Variants in HECTD3 observed in about 807,000 individuals in gnomAD.
HECTD3 encodes the protein E3 ubiquitin-protein ligase HECTD3.
HECTD3 carries 72 observed loss-of-function variants against 109.3 expected under a neutral mutation model. The ratio of observed to expected loss-of-function variants is 0.66; its 90% CI spans 0.54 to 0.80. HECTD3 has a LOEUF of 0.80. Ranked by LOEUF, HECTD3 falls within the 30% of genes least tolerant of loss-of-function variation. The probability of loss-of-function intolerance (pLI) is 0.00; values close to 1 mark genes in which losing one functional copy is unlikely to be tolerated. For synonymous variants in HECTD3, 481 were observed against 471.8 expected (o/e 1.02, Z -0.25); for missense variants, 1,041 against 1,165.2 (o/e 0.89, Z 1.55).
intron 11 of HECTD3, 46 bp from the exon 12 acceptor site, chr1:45,007,061 A>G (rs1336304690): frequency 6.2e-7 from 1 of 1,606,582 alleles, no homozygotes. Flanking sequence ...GGCCAGGTGC[A>G]GCACAATTCA....
chr1:45,003,557 TCTC>T lies in HECTD3; in HGVS notation c.2518_2520del (p.Glu840del). 1.2e-6 allele frequency: 2 copies of T among 1,614,154 alleles called. No homozygotes were observed. The highest frequency in any genetic ancestry group is 1.7e-6 in the Non-Finnish European group (2 of 1,180,014). Reference sequence around the variant, plus strand: ...CAGTTGTAGGCCGCATAGCGGAGCTTCTCCTCGCATACCTTGGCACTGTGGGAA... The same window carrying T: ...CAGTTGTAGGCCGCATAGCGGAGCTTCTCGCATACCTTGGCACTGTGGGAA... On this transcript the variant is annotated inframe_deletion, in exon 21 of 21. Transcript: ENST00000372172. This position sits in a 1 kb window ranked among gnomAD's most constrained non-coding sequence, Gnocchi z 4.7.
At chr1:45,010,357 T>C in intron 2 of HECTD3, 64 bp from the exon 3 acceptor site, 1 of 1,518,712 alleles carries the variant, frequency 6.6e-7, no homozygotes. Flanking sequence ...ACTACCTCCA[T>C]GCCGTGTAGC....
Position 45,009,216 on chromosome 1 carries a change from C to G in HECTD3, c.1000G>C (p.Gly334Arg). 6.2e-7 allele frequency: 1 copy of G among 1,613,674 alleles called. No homozygotes were observed. The highest frequency in any genetic ancestry group is 8.5e-7 in the Non-Finnish European group (1 of 1,179,580). ...ATGTCCTCCAGGACACAGACATCCCCGATGAGGGTCCTGAGGAGATGAGTG... is the reference window on the plus strand; with the variant it reads ...ATGTCCTCCAGGACACAGACATCCCGGATGAGGGTCCTGAGGAGATGAGTG... ...SDVSIDETLI[G>R]DVCVLEDMTV... Residue 334 changes from glycine to arginine, a missense_variant, in exon 7 of 21, where the codon GGG becomes CGG. By Grantham distance (125) the Gly-to-Arg change is moderately radical (BLOSUM62 -2). This residue lies in a region of HECTD3 where 569 missense variants were observed against 715.3 expected (regional missense o/e 0.80). Coordinates refer to ENST00000372172, the MANE Select transcript of HECTD3 (RefSeq NM_024602.6).
At chr1:45,007,158 TTG>T (rs1428883386) in intron 11 of HECTD3, 59 bp downstream of exon 11, 1 of 1,125,036 alleles carries the variant, frequency 8.9e-7, no homozygotes. Flanking sequence ...GTGTGTGTGT[TTG>T]TGTGTGTTTG....
In HECTD3 at chr1:45,011,294, T is replaced by C. The variant is rs1644791727; in HGVS notation, c.-37A>G. Reference sequence around the variant, plus strand: ...GGAGGTGAGCACCTAGAGGCGACCCTGCCCGGGGAACAGCTGGCGCGACCG... The same window carrying C: ...GGAGGTGAGCACCTAGAGGCGACCCCGCCCGGGGAACAGCTGGCGCGACCG... On this transcript the variant is annotated 5_prime_UTR_variant, in exon 1 of 21. Coordinates refer to ENST00000372172, the MANE Select transcript of HECTD3 (RefSeq NM_024602.6). 7 of 1,350,136 alleles carry C rather than the reference T, an allele frequency of 5.2e-6. No individual in the cohort carries two copies. The highest frequency in any genetic ancestry group is 6.6e-6 in the Non-Finnish European group (7 of 1,056,470). 83.6% of individuals were successfully genotyped at this position (1,350,136 alleles called of 1,614,324 possible).
At position 45,009,131 on chromosome 1, in the gene HECTD3, C is replaced by G. The variant is rs755686044; in HGVS notation, c.1072+13G>C. The G allele has an allele frequency of 5.5e-5, 88 of 1,610,046 alleles. No individual in the cohort carries two copies. The Admixed American group carries it at 1.4e-3, about 26-fold the overall frequency. ...CCGGGCTCTCTTTCCCTCCTTATAGCCTTAAACCTCACCTCGGCACTCCAC... is the reference window on the plus strand; with the variant it reads ...CCGGGCTCTCTTTCCCTCCTTATAGGCTTAAACCTCACCTCGGCACTCCAC... On this transcript the variant is annotated intron_variant, in intron 7 of 20. Coordinates refer to ENST00000372172, the MANE Select transcript of HECTD3 (RefSeq NM_024602.6).
rs1293071457 is a variant in HECTD3 at position 45,006,871 on chromosome 1, C to G, written c.1622-76G>C. 6.3e-7 allele frequency: 1 copy of G among 1,577,804 alleles called. No homozygotes were observed. The highest frequency in any genetic ancestry group is 1.3e-5 in the African/African-American group (1 of 74,120). ...ATGGGGTAATGAATAGGTCCCCCAT[C>G]ATCATTAGCTGGTGAAAAGCCTCTA... On this transcript the variant is annotated intron_variant, in intron 12 of 20. Coordinates refer to ENST00000372172, the MANE Select transcript of HECTD3 (RefSeq NM_024602.6). This position sits in a 1 kb window ranked among gnomAD's most constrained non-coding sequence, Gnocchi z 4.7.
In HECTD3 at chr1:45,003,549, G is replaced by A. The variant is rs1377305213; in HGVS notation, c.2529C>T (p.Arg843=). Residue 843 remains arginine, a synonymous_variant, in exon 21 of 21, where the codon CGC becomes CGT. Coordinates refer to ENST00000372172, the MANE Select transcript of HECTD3 (RefSeq NM_024602.6). The surrounding 1 kb of genome is among the most constrained non-coding windows in gnomAD (Gnocchi z 4.7). ...ASAKVCEEKL[R]YAAYNCVAID... ...TGGCCACGCAGTTGTAGGCCGCATA[G>A]CGGAGCTTCTCCTCGCATACCTTGG... 1 of 1,614,242 alleles carries A rather than the reference G, an allele frequency of 6.2e-7. No homozygotes were observed. The highest frequency in any genetic ancestry group is 8.5e-7 in the Non-Finnish European group (1 of 1,180,036).
Position 45,011,069 on chromosome 1 carries a change from C to T in HECTD3, c.189G>A (p.Leu63=), listed in dbSNP as rs749967652. 179 of 1,454,288 alleles carry T rather than the reference C, an allele frequency of 1.2e-4. 1 individual carries two copies. The highest frequency in any genetic ancestry group is 1.4e-4 in the Non-Finnish European group (159 of 1,106,674). The allele number at this position is 1,454,288 out of a possible 1,614,324, so 90.1% of individuals were successfully genotyped here. The stretch of plus-strand genomic sequence containing the variant: ...CCAGGCCCTCTGCCTCCCACACCGG[C>T]AGAAGCACGCGCGACGGTCCCGCTG... ...KDPAGPSRVL[L]PVWEAEGLGL... is the part of the protein sequence containing the mutation. Residue 63 remains leucine, a synonymous_variant, in exon 1 of 21, where the codon CTG becomes CTA. Coordinates refer to ENST00000372172, the MANE Select transcript of HECTD3 (RefSeq NM_024602.6).
Position 45,010,326 on chromosome 1 carries a change from G to C in HECTD3, c.531-33C>G, listed in dbSNP as rs370662185. ...CACAGAGTAGGGAGTGGGATGGGGAGACATCAGCGGTCAGCAAGACACTAC... is the reference window on the plus strand; with the variant it reads ...CACAGAGTAGGGAGTGGGATGGGGACACATCAGCGGTCAGCAAGACACTAC... On this transcript the variant is annotated intron_variant, in intron 2 of 20. Transcript: ENST00000372172. 1.0e-5 allele frequency: 16 copies of C among 1,592,854 alleles called. No individual in the cohort carries two copies. In the African/African-American group the frequency reaches 2.0e-4, roughly 20 times the overall value.
rs954008011 is a variant in HECTD3, at chr1:45,008,464, C to T, written c.1238+72G>A. The T allele has an allele frequency of 2.3e-5, 36 of 1,553,970 alleles. No homozygotes were observed. In the African/African-American group the frequency reaches 3.4e-4, roughly 15 times the overall value. ...GCTTATACTATGAGACCTTGGGAAC[C>T]TCCTCCATGCAGACACACAAGGCTC... On this transcript the variant is annotated intron_variant, in intron 8 of 20. Transcript: ENST00000372172.
rs762245159 is a variant in HECTD3 at position 45,008,291 on chromosome 1, G to A, written c.1269C>T (p.His423=). 2.5e-6 allele frequency: 4 copies of A among 1,614,126 alleles called. No homozygotes were observed. The East Asian group carries it at 6.7e-5, about 27-fold the overall frequency. ...TGTGGTCCCAGGCAGGTACCAGGTG[G>A]TGCAGGACACTATCGAGGATCTTGA... ...RFIKILDSVL[H]HLVPAWDHTL... The change falls in exon 9 of 21, where the codon CAC becomes CAT. Residue 423 remains histidine (H), a synonymous_variant. Transcript: ENST00000372172.
chr1:45,004,408 G>A, intron 16 of HECTD3, 31 bp from the exon 17 acceptor site: 1 of 1,613,518 alleles, frequency 6.2e-7, no homozygotes, highest in East Asian at 2.2e-5. Context: ...CTTGGCTGGG[G>A]AAGAGGGCAC....
At position 45,005,994 on chromosome 1, in the gene HECTD3, C is replaced by G. The variant is rs1644731753; in HGVS notation, c.1845+3G>C. 1 of 1,613,896 alleles carries G rather than the reference C, an allele frequency of 6.2e-7. No homozygotes were observed. Among genetic ancestry groups the G allele is most frequent in the Non-Finnish European group, 8.5e-7 (1 of 1,179,842 alleles). ...GGACGGGGGTGTGGATAAGGCTACT[C>G]ACCAGGAACTCCTTACCCCGAAGGG... On this transcript the variant is annotated splice_donor_region_variant and intron_variant, in intron 14 of 20. Transcript: ENST00000372172.
chr1:45,008,950 C>T (rs1644759195), intron 7 of HECTD3, among the ~76,000 whole-genome samples, 194 bp downstream of exon 7: 1 of 152,172 alleles, frequency 6.6e-6, no homozygotes, highest in African/African-American at 2.4e-5. Flanking sequence ...GCCCAACCAC[C>T]TGTATGGCTT....
chr1:45,010,816 G>A (rs558112177), intron 1 of HECTD3, 73 bp downstream of exon 1: 3 of 1,507,684 alleles, frequency 2.0e-6, no homozygotes, highest in Non-Finnish European at 2.6e-6. Flanking sequence ...ATACAGGGGA[G>A]AAAAGGCAAA....
chr1:45,006,990 A>G lies in HECTD3; in HGVS notation c.1582T>C (p.Trp528Arg). The G allele has an allele frequency of 6.2e-7, 1 of 1,613,878 alleles. No homozygotes were observed. The highest frequency in any genetic ancestry group is 8.5e-7 in the Non-Finnish European group (1 of 1,179,982). ...CCTTCTGCAATAAATTTACACTCCC[A>G]CCACTGGTCATAGCGCATGGGCCAC... ...YRWPMRYDQWWECKFIAEGII... is the reference protein window; with the variant it reads ...YRWPMRYDQWRECKFIAEGII... Residue 528 changes from tryptophan (W) to arginine (R), a missense_variant, in exon 12 of 21, where the codon TGG becomes CGG. Trp to Arg is a moderately radical substitution (Grantham distance 101, BLOSUM62 -3). Coordinates refer to ENST00000372172, the MANE Select transcript of HECTD3 (RefSeq NM_024602.6). This position sits in a 1 kb window ranked among gnomAD's most constrained non-coding sequence, Gnocchi z 4.7.
chr1:45,009,478 G>C lies in HECTD3; in HGVS notation c.880C>G (p.Leu294Val). The change falls in exon 6 of 21, where the codon CTG (leucine) becomes GTG (valine). Residue 294 changes from leucine (L) to valine (V), a missense_variant. Physicochemically the swap from Leu to Val is conservative, Grantham distance 32. Coordinates refer to ENST00000372172, the MANE Select transcript of HECTD3 (RefSeq NM_024602.6). ...TMKKGTIVKKLLLTVDTTDDN... is the reference protein window; with the variant it reads ...TMKKGTIVKKVLLTVDTTDDN... ...TCTGTGGTATCCACTGTGAGTAGCA[G>C]CTTCCTGAAGGGTCAGAGTGTGAAT... is the stretch of plus-strand genomic sequence containing the variant. The C allele has an allele frequency of 1.2e-6, 2 of 1,613,494 alleles. No individual in the cohort carries two copies. The highest frequency in any genetic ancestry group is 2.2e-5 in the East Asian group (1 of 44,886).
Position 45,006,654 on chromosome 1 carries a change from G to A in HECTD3, c.1725+38C>T. 1.3e-6 allele frequency: 2 copies of A among 1,547,912 alleles called. No homozygotes were observed. Among genetic ancestry groups the A allele is most frequent in the Non-Finnish European group, 1.8e-6 (2 of 1,129,574 alleles). ...TCTGCCCCCTTTCTAGCTCAATCTG[G>A]CACCTGGGAGGTTTGCAGAGATGGA... On this transcript the variant is annotated intron_variant, in intron 13 of 20. Coordinates refer to ENST00000372172, the MANE Select transcript of HECTD3 (RefSeq NM_024602.6). This position sits in a 1 kb window ranked among gnomAD's most constrained non-coding sequence, Gnocchi z 4.7.
Sources: gnomAD v4.1 joint callset for allele counts (sites outside exome capture counted in the v4.1 genomes callset) on GRCh38, gnomAD v4.1.1 for gene constraint, gnomAD v4.1.1 regional missense constraint, Gnocchi (gnomAD v3.1) non-coding constraint, MANE v1.5 for transcripts, NCBI Gene and HGNC (gene_info 2026-07-23, HGNC 2026-07-21) for gene names.